GNAQ: variants seen among roughly 807,000 people sequenced by gnomAD.
The protein encoded by GNAQ is G protein subunit alpha q, also known as guanine nucleotide-binding protein G(q) subunit alpha.
A neutral mutation model predicts 43.9 loss-of-function variants in GNAQ; 8 were observed. The observed-to-expected ratio is 0.18, with a 90% CI of 0.11 to 0.33. The LOEUF (loss-of-function observed/expected upper bound fraction) is 0.33. Among genes scored for constraint, GNAQ ranks in the 10% least tolerant of loss-of-function variants. The pLI, the probability that GNAQ is intolerant of heterozygous loss-of-function variation, is 1.00. For missense variants in GNAQ, 158 were observed against 450.8 expected (o/e 0.35, Z 5.88); for synonymous variants, 155 against 170.7 (o/e 0.91, Z 0.71).
intron 1 of GNAQ, among the ~76,000 whole-genome samples, chr9:77,946,069 T>C (rs989634017): frequency 6.6e-6 from 1 of 152,056 alleles, no homozygotes; most frequent in Non-Finnish European, 1.5e-5. Flanking sequence ...GAACAAAATA[T>C]TAGATGGGAA....
At chr9:77,791,360 G>A (rs1483160105) in intron 5 of GNAQ, among the ~76,000 whole-genome samples, 1 of 152,194 alleles carries the variant, frequency 6.6e-6, no homozygotes, top group Non-Finnish European at 1.5e-5. Flanking sequence ...ATGTCTTATT[G>A]TGTGCTTTGG....
chr9:77,962,336 C>T (rs1724708664), intron 1 of GNAQ, among the ~76,000 whole-genome samples: 1 of 152,008 alleles, frequency 6.6e-6, no homozygotes, highest in Admixed American at 6.6e-5. Flanking sequence ...CAACAAACAT[C>T]AAGCAGTAGA....
chr9:78,007,533 G>A (rs866976837), intron 1 of GNAQ, among the ~76,000 whole-genome samples: 9 of 152,088 alleles, frequency 5.9e-5, no homozygotes, highest in Admixed American at 3.3e-4. Context: ...GCTGAAAAAA[G>A]TACTCACATA....
chr9:77,886,135 T>A lies in GNAQ; in HGVS notation c.321+36026A>T, dbSNP rs555041585. Among the ~76,000 whole-genome samples, 252 of 152,148 alleles carry A rather than the reference T, an allele frequency of 1.7e-3. 2 individuals carry two copies. The highest frequency in any genetic ancestry group is 5.2e-3 in the African/African-American group (215 of 41,508). On this transcript the variant is annotated intron_variant, in intron 2 of 6. Coordinates refer to ENST00000286548, the MANE Select transcript of GNAQ (RefSeq NM_002072.5). ...GGAATTACAGGCACGCCTGGCTAAT[T>A]TTTGTATTTTTAGTAGAGATGGGGT...
At chr9:77,974,358 C>T (rs1823273901) in intron 1 of GNAQ, among the ~76,000 whole-genome samples, 1 of 152,296 alleles carries the variant, frequency 6.6e-6, no homozygotes, top group Non-Finnish European at 1.5e-5. Flanking sequence ...TGTTCTGAAA[C>T]TACAGGCTGC....
intron 2 of GNAQ, among the ~76,000 whole-genome samples, chr9:77,919,784 G>T (rs1043192793): frequency 6.6e-6 from 1 of 152,162 alleles, no homozygotes; most frequent in East Asian, 1.9e-4. Context: ...CTCATATATT[G>T]TAACGTTTTA....
chr9:77,963,056 C>A (rs778215975), intron 1 of GNAQ, among the ~76,000 whole-genome samples: 1 of 151,976 alleles, frequency 6.6e-6, no homozygotes, highest in African/African-American at 2.4e-5. Flanking sequence ...GTTTGAAAAA[C>A]GCCACTATCA....
rs73459749 is a variant in GNAQ, at chr9:77,979,563, C to T, written c.136+51537G>A. Among the ~76,000 whole-genome samples the T allele has an allele frequency of 3.8e-3, 580 of 151,992 alleles. 3 individuals are homozygous for T. Among genetic ancestry groups the T allele is most frequent in the African/African-American group, 0.013 (546 of 41,442 alleles). On this transcript the variant is annotated intron_variant, in intron 1 of 6. Coordinates refer to ENST00000286548, the MANE Select transcript of GNAQ (RefSeq NM_002072.5). ...TAGGAAAGCACAAGGGAACAGTTAACGAGCTAAACAATTAAGCTAATAAAA... is the reference window on the plus strand; with the variant it reads ...TAGGAAAGCACAAGGGAACAGTTAATGAGCTAAACAATTAAGCTAATAAAA...
intron 1 of GNAQ, among the ~76,000 whole-genome samples, chr9:77,989,942 C>A (rs1226635985): frequency 6.6e-6 from 1 of 152,126 alleles, no homozygotes; most frequent in Non-Finnish European, 1.5e-5. Context: ...ATATATACTC[C>A]CTTCTGAAAA....
At chr9:78,028,564 T>C (rs566573714) in intron 1 of GNAQ, among the ~76,000 whole-genome samples, 91 of 152,326 alleles carry the variant, frequency 6.0e-4, no homozygotes, top group African/African-American at 2.0e-3. Context: ...TGAACTAAAA[T>C]TTACTTTGAA....
intron 3 of GNAQ, among the ~76,000 whole-genome samples, chr9:77,813,998 C>T (rs1464505563): frequency 6.6e-6 from 1 of 152,008 alleles, no homozygotes; most frequent in Non-Finnish European, 1.5e-5. Flanking sequence ...AGATTCAAAA[C>T]TGAGGGTGGA....
In GNAQ at chr9:77,720,887, T is replaced by C. The variant is rs1195238154; in HGVS notation, c.*436A>G. On this transcript the variant is annotated 3_prime_UTR_variant, in exon 7 of 7. Transcript: ENST00000286548. Reference sequence around the variant, plus strand: ...TTTGAGAGAAAAACTTGACCAAGAATGGAACTAGGATAAAGGCCATTGTAA... The same window carrying C: ...TTTGAGAGAAAAACTTGACCAAGAACGGAACTAGGATAAAGGCCATTGTAA... 1.7e-5 allele frequency: 4 copies of C among 236,794 alleles called. No individual in the cohort carries two copies. Among genetic ancestry groups the C allele is most frequent in the Non-Finnish European group, 3.3e-5 (4 of 120,456 alleles). The allele number at this position is 236,794 out of a possible 1,614,324, so 14.7% of individuals were successfully genotyped here. A position where few individuals can be genotyped will look rare whatever the true frequency, so the allele number is the denominator to read the frequency against.
chr9:77,807,225 T>C (rs1826842770), intron 3 of GNAQ, among the ~76,000 whole-genome samples: 1 of 152,214 alleles, frequency 6.6e-6, no homozygotes, highest in South Asian at 2.1e-4. Flanking sequence ...AGGTGCTGAA[T>C]GACCTTATGG....
intron 5 of GNAQ, among the ~76,000 whole-genome samples, chr9:77,762,473 T>TG (rs1236195008): frequency 3.2e-5 from 4 of 126,438 alleles, no homozygotes; most frequent in South Asian, 5.6e-4. Flanking sequence ...GGGAGGGAGG[T>TG]GGGGGGGTCA....
At chr9:77,864,728 T>A (rs1827920628) in intron 2 of GNAQ, among the ~76,000 whole-genome samples, 1 of 152,242 alleles carries the variant, frequency 6.6e-6, no homozygotes, top group South Asian at 2.1e-4. Context: ...GACCTCCAGA[T>A]GTCTCCAATG....
chr9:77,762,264 C>T, intron 5 of GNAQ, among the ~76,000 whole-genome samples: 1 of 145,978 alleles, frequency 6.9e-6, no homozygotes, highest in African/African-American at 2.5e-5. Flanking sequence ...GGTCAGCCCC[C>T]CGCCTGGCCA....
chr9:77,975,602 C>T (rs867591561), intron 1 of GNAQ, among the ~76,000 whole-genome samples: 9 of 145,008 alleles, frequency 6.2e-5, no homozygotes, highest in African/African-American at 7.7e-5. Flanking sequence ...GGCAGTGGCG[C>T]GATCTCGGTT....
At chr9:77,848,706 T>A (rs1827624207) in intron 2 of GNAQ, among the ~76,000 whole-genome samples, 1 of 152,176 alleles carries the variant, frequency 6.6e-6, no homozygotes, top group African/African-American at 2.4e-5. Flanking sequence ...AGGGCTGTGG[T>A]ATTGGCCTCT....
chr9:77,731,439 G>A (rs190015047), intron 5 of GNAQ, among the ~76,000 whole-genome samples: 138 of 152,318 alleles, frequency 9.1e-4, no homozygotes, highest in Admixed American at 1.8e-3. Context: ...CATGCATGCA[G>A]TCTGGGGCTG....
Sources: gnomAD v4.1 joint callset for allele counts (sites outside exome capture counted in the v4.1 genomes callset) on GRCh38, gnomAD v4.1.1 for gene constraint, MANE v1.5 for transcripts, NCBI Gene and HGNC (gene_info 2026-07-23, HGNC 2026-07-21) for gene names.